Variants in GLOD4 observed in about 807,000 individuals in gnomAD.
The protein encoded by GLOD4 is glyoxalase domain containing 4.
In GLOD4, 44 loss-of-function variants were observed where a neutral mutation model predicts 39.1. The ratio of observed to expected loss-of-function variants is 1.13; its 90% CI spans 0.88 to 1.45. The LOEUF (loss-of-function observed/expected upper bound fraction) is 1.45, where lower values mean the gene tolerates loss of function less well. Among genes scored for constraint, GLOD4 ranks in the 40% most tolerant of loss-of-function variants. The pLI is 0.00. For missense variants in GLOD4, 405 were observed against 366.4 expected, an observed-to-expected ratio of 1.11 and a Z score of -0.86; for synonymous variants, 145 against 135.0, an observed-to-expected ratio of 1.07 and a Z score of -0.52.
At position 781,950 on chromosome 17, in the gene GLOD4, C is replaced by T. The variant is rs1353293777; in HGVS notation, c.90+216G>A. ...TTAAATGAAAGGACGTGCGTGGGCA[C>T]ACCGCGGGGACTAATCGTGTTAGGC... On this transcript the variant is annotated intron_variant, in intron 1 of 8. Coordinates refer to ENST00000301329, the MANE Select transcript of GLOD4 (RefSeq NM_016080.4). The T allele has an allele frequency of 9.2e-6, 5 of 541,230 alleles. No individual in the cohort carries two copies. The Admixed American group carries it at 1.3e-4, about 14-fold the overall frequency. 33.5% of individuals were successfully genotyped at this position (541,230 alleles called of 1,614,324 possible).
Position 762,397 on chromosome 17 carries a change from T to C in GLOD4, c.832-2159A>G, listed in dbSNP as rs571941954. On this transcript the variant is annotated intron_variant, in intron 8 of 8. Coordinates refer to ENST00000301329, the MANE Select transcript of GLOD4 (RefSeq NM_016080.4). ...AAGAAAAAGGACTAACTGTAAAGCC[T>C]GAAAGGCTTCCATCCAGGCCCCGGC... Among the ~76,000 whole-genome samples, 149 of 152,330 alleles carry C rather than the reference T, an allele frequency of 9.8e-4. 2 individuals carry two copies. The highest frequency in any genetic ancestry group is 3.5e-3 in the African/African-American group (146 of 41,572).
At chr17:766,126 C>T (rs146188579) in intron 8 of GLOD4, among the ~76,000 whole-genome samples, 2,181 of 151,614 alleles carry the variant, frequency 0.014, 31 homozygotes, top group East Asian at 0.059. Flanking sequence ...GGTGAAACCC[C>T]ATCTCTAGAA....
chr17:768,441 C>T (rs1284096810), intron 8 of GLOD4, among the ~76,000 whole-genome samples: 1 of 125,054 alleles, frequency 8.0e-6, no homozygotes, highest in African/African-American at 3.2e-5. Flanking sequence ...CTGGAGAGGA[C>T]ATAAGAGGGA....
In GLOD4 at chr17:771,368, T is replaced by A. The variant is rs200510924; in HGVS notation, c.500A>T (p.Asp167Val). The A allele has an allele frequency of 1.5e-5, 24 of 1,605,738 alleles. No homozygotes were observed. The Admixed American group carries it at 1.9e-4, about 12-fold the overall frequency. Reference sequence around the variant, plus strand: ...CAGCAAAGCCCTTTGCTTTTCTTCATCTTTTTCATAAATTTTCATTCCCAG... The same window carrying A: ...CAGCAAAGCCCTTTGCTTTTCTTCAACTTTTTCATAAATTTTCATTCCCAG... ...NLLGMKIYEK[D>V]EEKQRALLGY... Residue 167 changes from aspartate (D) to valine (V), a missense_variant, in exon 5 of 9, where the codon GAT becomes GTT. Coordinates refer to ENST00000301329, the MANE Select transcript of GLOD4 (RefSeq NM_016080.4).
intron 8 of GLOD4, among the ~76,000 whole-genome samples, chr17:768,768 A>G (rs1907292291): frequency 7.6e-6 from 1 of 132,412 alleles, no homozygotes; most frequent in African/African-American, 3.1e-5. Flanking sequence ...AGAAATCTGG[A>G]GAGGATGTGA....
At chr17:764,089 A>G (rs1467244358) in intron 8 of GLOD4, 1 of 152,252 alleles carries the variant, frequency 6.6e-6, no homozygotes, top group African/African-American at 2.4e-5. Context: ...AGACTTGAAC[A>G]TAAAATTCAC....
In GLOD4 at chr17:782,150, C is replaced by G; in HGVS notation, c.90+16G>C. 6.4e-7 allele frequency: 1 copy of G among 1,567,508 alleles called. No homozygotes were observed. The highest frequency in any genetic ancestry group is 8.7e-7 in the Non-Finnish European group (1 of 1,150,944). On this transcript the variant is annotated intron_variant, in intron 1 of 8. Coordinates refer to ENST00000301329, the MANE Select transcript of GLOD4 (RefSeq NM_016080.4). The stretch of plus-strand genomic sequence containing the variant: ...TCCAGCCTCGCGCGCCAGCCCCTGT[C>G]GGCCCCGGCCTGCACCTTCATCCCC...
chr17:763,100 G>T (rs1483089391), intron 8 of GLOD4, among the ~76,000 whole-genome samples: 2 of 151,528 alleles, frequency 1.3e-5, no homozygotes, highest in East Asian at 1.9e-4. Context: ...GGAGAATGGT[G>T]TGAACCCGGG....
chr17:775,963 T>C (rs777149421), intron 3 of GLOD4, 44 bp from the exon 4 acceptor site: 3 of 1,565,380 alleles, frequency 1.9e-6, no homozygotes, highest in South Asian at 2.2e-5. Context: ...TCACAACAGA[T>C]ATTTTACAGA....
intron 1 of GLOD4, among the ~76,000 whole-genome samples, chr17:781,235 C>T (rs190851947): frequency 3.4e-4 from 52 of 152,262 alleles, no homozygotes; most frequent in Admixed American, 6.5e-4. Flanking sequence ...TTAATCTTTG[C>T]AACAACCTTT....
rs189818804 is a variant in GLOD4, at chr17:780,056, C to T, written c.91-1312G>A. Among the ~76,000 whole-genome samples, 13 of 152,052 alleles carry T rather than the reference C, an allele frequency of 8.5e-5. No homozygotes were observed. In the East Asian group the frequency reaches 1.2e-3, roughly 14 times the overall value. The stretch of plus-strand genomic sequence containing the variant: ...GCGGGCGCCTGTAGTACCAGCTACT[C>T]GGGAGGCTGAGGCAGGAGAATGGTG... On this transcript the variant is annotated intron_variant, in intron 1 of 8. Transcript: ENST00000301329.
rs1239097475 is a variant in GLOD4, at chr17:759,766, C to T, written c.*407G>A. 1.2e-5 allele frequency: 2 copies of T among 161,214 alleles called. No individual in the cohort carries two copies. The highest frequency in any genetic ancestry group is 2.7e-5 in the Non-Finnish European group (2 of 74,206). 10.0% of individuals were successfully genotyped at this position (161,214 alleles called of 1,614,324 possible). ...GCGTATCGTCAGGCGCTGGGAATGGCACCACGACAAGGCATTAATGTGGAT... is the reference window on the plus strand; with the variant it reads ...GCGTATCGTCAGGCGCTGGGAATGGTACCACGACAAGGCATTAATGTGGAT... On this transcript the variant is annotated 3_prime_UTR_variant, in exon 9 of 9. Coordinates refer to ENST00000301329, the MANE Select transcript of GLOD4 (RefSeq NM_016080.4).
chr17:775,708 A>G, intron 4 of GLOD4, 67 bp downstream of exon 4: 1 of 1,319,282 alleles, frequency 7.6e-7, no homozygotes, highest in Non-Finnish European at 1.1e-6. Context: ...AAAGACAGGC[A>G]GCCCTCACTC....
chr17:772,013 C>CAAAAAAA (rs67745456), intron 4 of GLOD4, among the ~76,000 whole-genome samples: 1 of 50,992 alleles, frequency 2.0e-5, no homozygotes. Context: ...AACTCTGTCT[C>CAAAAAAA]AAAAAAAAAA....
intron 1 of GLOD4, 45 bp downstream of exon 1, chr17:782,121 C>A (rs937817225): frequency 6.9e-7 from 1 of 1,456,102 alleles, no homozygotes; most frequent in South Asian, 1.2e-5. Flanking sequence ...GCTCGGGCGC[C>A]GGTTCCAGCC....
intron 1 of GLOD4, chr17:780,747 A>G (rs1909770638): frequency 6.6e-6 from 1 of 152,452 alleles, no homozygotes; most frequent in African/African-American, 2.4e-5. Context: ...ACCTCAAAAA[A>G]AAAAAAAAAA....
At chr17:778,378 C>A in intron 2 of GLOD4, 1 of 441,624 alleles carries the variant, frequency 2.3e-6, no homozygotes, top group Non-Finnish European at 4.0e-6. Context: ...AATTAAATAA[C>A]AGGACAGCCG....
intron 8 of GLOD4, among the ~76,000 whole-genome samples, chr17:767,415 A>G (rs1326847868): frequency 6.6e-6 from 1 of 152,248 alleles, no homozygotes; most frequent in Non-Finnish European, 1.5e-5. Flanking sequence ...AGCCAGTGCA[A>G]AACAGACTGA....
chr17:761,855 A>G (rs1905498768), intron 8 of GLOD4, among the ~76,000 whole-genome samples: 1 of 152,216 alleles, frequency 6.6e-6, no homozygotes, highest in Non-Finnish European at 1.5e-5. Context: ...AGGAGAGGGA[A>G]AAAACCCTTT....
Sources: allele counts gnomAD v4.1 joint callset (sites outside exome capture counted in the v4.1 genomes callset), GRCh38; gene constraint gnomAD v4.1.1; transcripts MANE v1.5; gene names NCBI Gene and HGNC (gene_info 2026-07-23, HGNC 2026-07-21).